The following NKAIN3 variants were observed in gnomAD, a reference collection of about 807,000 sequenced individuals.
The protein encoded by NKAIN3 is sodium/potassium transporting ATPase interacting 3.
Under a neutral mutation model 30.2 loss-of-function variants are expected in NKAIN3, and 25 were observed. The observed-to-expected ratio is 0.83, with a 90% CI of 0.60 to 1.16. The LOEUF (loss-of-function observed/expected upper bound fraction) is 1.16, where lower values mean the gene tolerates loss of function less well. Among genes scored for constraint, NKAIN3 ranks in the 50% most tolerant of loss-of-function variants. NKAIN3 has a pLI of 0.00. For synonymous variants in NKAIN3, 91 were observed against 89.6 expected (o/e 1.02, Z -0.09); for missense variants, 225 against 254.1 (o/e 0.89, Z 0.78).
At chr8:62,329,801 A>T (rs1408199445) in intron 1 of NKAIN3, among the ~76,000 whole-genome samples, 1 of 152,126 alleles carries the variant, frequency 6.6e-6, no homozygotes, top group African/African-American at 2.4e-5. Flanking sequence ...CAGTGAACAT[A>T]CAGGTGCCTG....
At chr8:62,308,511 T>A (rs1814326657) in intron 1 of NKAIN3, among the ~76,000 whole-genome samples, 1 of 150,646 alleles carries the variant, frequency 6.6e-6, no homozygotes, top group African/African-American at 2.5e-5. Context: ...AAGATTATGT[T>A]ACCAAAAGCA....
At chr8:62,456,291 G>A (rs1465985929) in intron 1 of NKAIN3, among the ~76,000 whole-genome samples, 4 of 152,152 alleles carry the variant, frequency 2.6e-5, no homozygotes, top group African/African-American at 9.7e-5. Flanking sequence ...GGAGGCCGAC[G>A]TGGGCGGATC....
chr8:62,499,944 G>T (rs1383684370), intron 1 of NKAIN3, among the ~76,000 whole-genome samples: 1 of 151,008 alleles, frequency 6.6e-6, no homozygotes, highest in Non-Finnish European at 1.5e-5. Flanking sequence ...GTCTGGTCAT[G>T]GTTGAAGCAA....
At position 62,981,621 on chromosome 8, in the gene NKAIN3, G is replaced by A. The variant is rs1201853138; in HGVS notation, c.*16214G>A. On this transcript the variant is annotated 3_prime_UTR_variant, in exon 7 of 7. Coordinates refer to ENST00000623646, the MANE Select transcript of NKAIN3 (RefSeq NM_001304533.3). The stretch of plus-strand genomic sequence containing the variant: ...CACTAAGGAATTTCTGCCATTGCAG[G>A]TAGGAAAAAAAAAGACAAAAATGGT... 1.3e-5 allele frequency: 2 copies of A among 151,714 alleles called. No individual in the cohort carries two copies. Among genetic ancestry groups the A allele is most frequent in the Admixed American group, 6.6e-5 (1 of 15,236 alleles). The allele number at this position is 151,714 out of a possible 1,614,324, so 9.4% of individuals were successfully genotyped here.
chr8:62,302,911 G>A (rs1814101693), intron 1 of NKAIN3, among the ~76,000 whole-genome samples: 1 of 150,234 alleles, frequency 6.7e-6, no homozygotes, highest in African/African-American at 2.5e-5. Context: ...AGAGGTTTGG[G>A]CTGTTAACTC....
At chr8:62,303,005 A>G (rs1316347273) in intron 1 of NKAIN3, among the ~76,000 whole-genome samples, 1 of 150,234 alleles carries the variant, frequency 6.7e-6, no homozygotes, top group Admixed American at 6.6e-5. Context: ...CCTGAGTTCT[A>G]CTTCAGGGGA....
In NKAIN3 at chr8:62,974,814, T is replaced by C. The variant is rs1823908791; in HGVS notation, c.*9407T>C. ...GCTGTGGGTTTGTCATAACAGCTCT[T>C]ATTATTTTGAGATATGTTCCATCAA... On this transcript the variant is annotated 3_prime_UTR_variant, in exon 7 of 7. Coordinates refer to ENST00000623646, the MANE Select transcript of NKAIN3 (RefSeq NM_001304533.3). 1.3e-5 allele frequency among the ~76,000 whole-genome samples: 2 copies of C among 152,182 alleles called. No individual in the cohort carries two copies. The highest frequency in any genetic ancestry group is 2.4e-5 in the African/African-American group (1 of 41,444).
intron 4 of NKAIN3, among the ~76,000 whole-genome samples, chr8:62,780,522 A>G (rs1817325126): frequency 6.6e-6 from 1 of 152,144 alleles, no homozygotes; most frequent in Non-Finnish European, 1.5e-5. Flanking sequence ...ATGAACATAG[A>G]TGCCAAAGTT....
At chr8:62,396,863 T>G (rs1272490576) in intron 1 of NKAIN3, among the ~76,000 whole-genome samples, 1 of 152,222 alleles carries the variant, frequency 6.6e-6, no homozygotes, top group Non-Finnish European at 1.5e-5. Flanking sequence ...ACTTTGGTAT[T>G]TGTTATACCA....
intron 1 of NKAIN3, among the ~76,000 whole-genome samples, chr8:62,441,909 T>C (rs1003449249): frequency 3.0e-4 from 46 of 152,196 alleles, no homozygotes; most frequent in African/African-American, 1.0e-3. Context: ...GATTTCTCTG[T>C]ACTTTTAAGT....
In NKAIN3 at chr8:62,297,550, C is replaced by T. The variant is rs1033196041; in HGVS notation, c.54+48423C>T. On this transcript the variant is annotated intron_variant, in intron 1 of 6. Transcript: ENST00000623646. ...CACTTCTCAAAAGAAGACATTTATG[C>T]AGCCAAAAAACACATGAAAAAATGC... 4.9e-3 allele frequency among the ~76,000 whole-genome samples: 744 copies of T among 152,068 alleles called. 8 individuals are homozygous for T. The highest frequency in any genetic ancestry group is 0.017 in the African/African-American group (708 of 41,462).
At chr8:62,740,486 G>A (rs1240733338) in intron 3 of NKAIN3, among the ~76,000 whole-genome samples, 3 of 152,056 alleles carry the variant, frequency 2.0e-5, no homozygotes, top group African/African-American at 7.2e-5. Flanking sequence ...ATTGTTAGAA[G>A]TTAGGAGTCC....
At chr8:62,272,005 A>G (rs1812792489) in intron 1 of NKAIN3, among the ~76,000 whole-genome samples, 1 of 152,202 alleles carries the variant, frequency 6.6e-6, no homozygotes, top group African/African-American at 2.4e-5. Flanking sequence ...TTAACCTACA[A>G]AAAATATCTG....
At chr8:62,758,282 C>CA (rs879482343) in intron 4 of NKAIN3, among the ~76,000 whole-genome samples, 1 of 151,956 alleles carries the variant, frequency 6.6e-6, no homozygotes, top group East Asian at 1.9e-4. Context: ...GACCCTAGAC[C>CA]AAAAAACAGA....
At chr8:62,399,724 T>G (rs1184042086) in intron 1 of NKAIN3, among the ~76,000 whole-genome samples, 1 of 152,152 alleles carries the variant, frequency 6.6e-6, no homozygotes, top group Non-Finnish European at 1.5e-5. Context: ...GCCTGGTGCA[T>G]AGTCAGCTCT....
At chr8:62,390,397 T>C (rs1328398251) in intron 1 of NKAIN3, among the ~76,000 whole-genome samples, 1 of 152,236 alleles carries the variant, frequency 6.6e-6, no homozygotes. Context: ...TTGGGCTGCA[T>C]AGTATTCCAT....
At chr8:62,699,325 T>A (rs1204880565) in intron 3 of NKAIN3, among the ~76,000 whole-genome samples, 1 of 152,252 alleles carries the variant, frequency 6.6e-6, no homozygotes, top group African/African-American at 2.4e-5. Flanking sequence ...AATTATACTT[T>A]TAATTCTAAA....
At chr8:62,863,893 A>ATCTGATCCATC in intron 4 of NKAIN3, 2 of 1,390,630 alleles carry the variant, frequency 1.4e-6, no homozygotes, top group Non-Finnish European at 2.0e-6. Context: ...CTTGCTCATC[A>ATCTGATCCATC]TCTGATCCAG....
At chr8:62,948,337 T>C (rs1229197021) in intron 5 of NKAIN3, among the ~76,000 whole-genome samples, 1 of 151,972 alleles carries the variant, frequency 6.6e-6, no homozygotes, top group African/African-American at 2.4e-5. Context: ...GTAGCTGAGA[T>C]TACAGGCACG....
Sources: allele counts gnomAD v4.1 joint callset (sites outside exome capture counted in the v4.1 genomes callset), GRCh38; gene constraint gnomAD v4.1.1; transcripts MANE v1.5; gene names NCBI Gene and HGNC (gene_info 2026-07-23, HGNC 2026-07-21).